The following MYOM2 variants were observed in gnomAD, a reference collection of about 807,000 sequenced individuals.
MYOM2 encodes myomesin 2.
A neutral mutation model predicts 187.6 loss-of-function variants in MYOM2; 254 were observed. The ratio of observed to expected loss-of-function variants is 1.35; its 90% confidence interval spans 1.22 to 1.50. The LOEUF is 1.50. Ranked by LOEUF, MYOM2 falls within the 40% of genes most tolerant of loss-of-function variation. MYOM2 has a pLI of 0.00. For synonymous variants in MYOM2, 981 were observed against 753.8 expected (o/e 1.30, Z -4.94); for missense variants, 2,796 against 1,924.0 (o/e 1.45, Z -8.48).
chr8:2,131,121 A>C (rs1047456506), intron 32 of MYOM2, among the ~76,000 whole-genome samples: 5 of 152,124 alleles, frequency 3.3e-5, no homozygotes, highest in African/African-American at 1.2e-4. Flanking sequence ...ACACACACCC[A>C]CACACAGGAT....
At chr8:2,066,449 G>A (rs1819022545) in intron 6 of MYOM2, among the ~76,000 whole-genome samples, 1 of 152,198 alleles carries the variant, frequency 6.6e-6, no homozygotes, top group Admixed American at 6.5e-5. Context: ...TATTGCTAGT[G>A]GGGGTGGGAT....
At chr8:2,144,515 C>A in intron 36 of MYOM2, 149 bp from the exon 37 acceptor site, 1 of 762,688 alleles carries the variant, frequency 1.3e-6, no homozygotes, top group Non-Finnish European at 2.1e-6. Flanking sequence ...TCCAGAGCGG[C>A]GCTCATGTAC....
At position 2,050,889 on chromosome 8, in the gene MYOM2, C is replaced by G. The variant is rs77834972; in HGVS notation, c.107+16C>G. 778 of 1,581,296 alleles carry G rather than the reference C, an allele frequency of 4.9e-4. 7 individuals carry two copies. In the African/African-American group the frequency reaches 9.4e-3, roughly 19 times the overall value. ...CGTCAAAAAAGTAAGCTGACATTCG[C>G]TGATGAGACGCGCAGAGCTTTGATT... On this transcript the variant is annotated intron_variant, in intron 2 of 36. Transcript: ENST00000262113.
chr8:2,143,136 C>G (rs1203256409), intron 35 of MYOM2, among the ~76,000 whole-genome samples: 3 of 152,160 alleles, frequency 2.0e-5, no homozygotes, highest in African/African-American at 4.8e-5. Flanking sequence ...CTTCACCCTT[C>G]AAGCCCAGTT....
Position 2,106,287 on chromosome 8 carries a change from A to T in MYOM2, c.2780A>T (p.Tyr927Phe). The T allele has an allele frequency of 6.2e-7, 1 of 1,614,188 alleles. No homozygotes were observed. Among genetic ancestry groups the T allele is most frequent in the Non-Finnish European group, 8.5e-7 (1 of 1,180,030 alleles). ...SAGVDEQGNIYLGFDCQEMTD... is the reference protein window; with the variant it reads ...SAGVDEQGNIFLGFDCQEMTD... ...GGTGTCGATGAACAAGGCAACATCTATCTGGGCTTCGACTGCCAGGAAATG... is the reference window on the plus strand; with the variant it reads ...GGTGTCGATGAACAAGGCAACATCTTTCTGGGCTTCGACTGCCAGGAAATG... Residue 927 changes from tyrosine (Y) to phenylalanine (F), a missense_variant, in exon 22 of 37, where the codon TAT (tyrosine) becomes TTT (phenylalanine). Coordinates refer to ENST00000262113, the MANE Select transcript of MYOM2 (RefSeq NM_003970.4).
chr8:2,077,674 C>T (rs1479018572), intron 11 of MYOM2, among the ~76,000 whole-genome samples: 2 of 152,236 alleles, frequency 1.3e-5, no homozygotes, highest in Middle Eastern at 3.4e-3. Flanking sequence ...TAAGTTTTCC[C>T]GCCATGTTGA....
chr8:2,093,969 G>A lies in MYOM2; in HGVS notation c.2004-1G>A. The A allele has an allele frequency of 6.2e-7, 1 of 1,614,030 alleles. No individual in the cohort carries two copies. The highest frequency in any genetic ancestry group is 1.7e-4 in the Middle Eastern group (1 of 6,028). ...CTGACCCTGATCCCTGTGTTTCTCAGGTTCGTGGTGCACGGCTTAACCACG... is the reference window on the plus strand; with the variant it reads ...CTGACCCTGATCCCTGTGTTTCTCAAGTTCGTGGTGCACGGCTTAACCACG... On this transcript the variant is annotated splice_acceptor_variant, in intron 16 of 36. Coordinates refer to ENST00000262113, the MANE Select transcript of MYOM2 (RefSeq NM_003970.4). LOFTEE classifies it high-confidence loss of function.
At chr8:2,050,733 T>A (rs1052101571) in intron 1 of MYOM2, 22 bp from the exon 2 acceptor site, 5 of 1,443,618 alleles carry the variant, frequency 3.5e-6, no homozygotes, top group Non-Finnish European at 4.9e-6. Flanking sequence ...GAGCTCAGTG[T>A]TGTGTGTGAC....
At chr8:2,073,598 G>T in intron 10 of MYOM2, 98 bp downstream of exon 10, 1 of 1,398,186 alleles carries the variant, frequency 7.2e-7, no homozygotes, top group Admixed American at 2.6e-5. Context: ...GGAGTCCAGA[G>T]GGTGTGAGAC....
chr8:2,087,203 A>G (rs1312326831), intron 14 of MYOM2, among the ~76,000 whole-genome samples: 2 of 152,236 alleles, frequency 1.3e-5, no homozygotes, highest in African/African-American at 2.4e-5. Flanking sequence ...GTTTTGCGAT[A>G]CAAAATTTAT....
chr8:2,120,696 A>ATAT (rs1491564842), intron 28 of MYOM2, among the ~76,000 whole-genome samples: 18 of 83,992 alleles, frequency 2.1e-4, no homozygotes, highest in African/African-American at 8.6e-4. Context: ...ATAAATATAT[A>ATAT]ATATATATAT....
chr8:2,058,718 G>T (rs1025803491), intron 5 of MYOM2, among the ~76,000 whole-genome samples: 1 of 152,170 alleles, frequency 6.6e-6, no homozygotes, highest in Non-Finnish European at 1.5e-5. Flanking sequence ...CGGAGGTGCT[G>T]GGGTGGATGT....
intron 25 of MYOM2, among the ~76,000 whole-genome samples, chr8:2,110,509 C>G (rs1055575353): frequency 6.6e-6 from 1 of 152,146 alleles, no homozygotes; most frequent in African/African-American, 2.4e-5. Context: ...GTGCCTGGGA[C>G]CCGGTTAAAG....
chr8:2,113,312 G>A (rs1797129203), intron 25 of MYOM2, among the ~76,000 whole-genome samples: 1 of 152,238 alleles, frequency 6.6e-6, no homozygotes, highest in African/African-American at 2.4e-5. Context: ...GTCAGACACT[G>A]TATCATCCAG....
At chr8:2,052,897 A>G (rs1818539883) in intron 3 of MYOM2, among the ~76,000 whole-genome samples, 1 of 152,220 alleles carries the variant, frequency 6.6e-6, no homozygotes, top group Non-Finnish European at 1.5e-5. Context: ...TTACATTTCA[A>G]CAGAGGCAGC....
Position 2,098,934 on chromosome 8 carries a change from A to G in MYOM2, c.2391A>G (p.Ser797=), listed in dbSNP as rs1585902898. ...ACCTGGCCGGCATCGGGGAGCCCTC[A>G]GATCCCAGTGAGCACTTCAAGTGTG... The part of the protein sequence containing the change: ...AVNLAGIGEP[S]DPSEHFKCEA... Residue 797 remains serine, a synonymous_variant, in exon 19 of 37, where the codon TCA becomes TCG. Coordinates refer to ENST00000262113, the MANE Select transcript of MYOM2 (RefSeq NM_003970.4). 6.2e-7 allele frequency: 1 copy of G among 1,613,580 alleles called. No homozygotes were observed. The highest frequency in any genetic ancestry group is 1.1e-5 in the South Asian group (1 of 90,842).
At chr8:2,055,471 A>G (rs1818632586) in intron 3 of MYOM2, among the ~76,000 whole-genome samples, 1 of 152,088 alleles carries the variant, frequency 6.6e-6, no homozygotes, top group African/African-American at 2.4e-5. Context: ...GCCCAAACAG[A>G]CTGTTCCCTA....
intron 27 of MYOM2, among the ~76,000 whole-genome samples, chr8:2,116,948 ACGGAC>A (rs1797267362): frequency 3.1e-4 from 3 of 9,602 alleles, no homozygotes; most frequent in Non-Finnish European, 6.3e-4. Flanking sequence ...TTTAGTAGAG[ACGGAC>A]GGGGTTTCAC....
chr8:2,076,485 T>C (rs1042733461), intron 11 of MYOM2: 4 of 658,134 alleles, frequency 6.1e-6, no homozygotes, highest in Admixed American at 6.7e-5. Flanking sequence ...ATAACCACAC[T>C]GGGTTTCTTT....
Sources: gnomAD v4.1 joint callset for allele counts (sites outside exome capture counted in the v4.1 genomes callset) on GRCh38, gnomAD v4.1.1 for gene constraint, MANE v1.5 for transcripts, NCBI Gene and HGNC (gene_info 2026-07-23, HGNC 2026-07-21) for gene names.